The following MICAL3 variants were observed in gnomAD, a reference collection of about 807,000 sequenced individuals.
MICAL3 encodes the protein [F-actin]-monooxygenase MICAL3.
A neutral mutation model predicts 207.4 loss-of-function variants in MICAL3; 62 were observed. The observed-to-expected ratio is 0.30, with a 90% CI of 0.24 to 0.37. The LOEUF is 0.37. Ranked by LOEUF, MICAL3 falls within the 10% of genes least tolerant of loss-of-function variation. MICAL3 has a pLI of 1.00. For synonymous variants in MICAL3, 1,077 were observed against 1,069.3 expected, an observed-to-expected ratio of 1.01 and a Z score of -0.14; for missense variants, 2,368 against 2,635.6, an observed-to-expected ratio of 0.90 and a Z score of 2.22.
At chr22:17,917,015 C>T (rs1482656653) in intron 1 of MICAL3, among the ~76,000 whole-genome samples, 2 of 152,212 alleles carry the variant, frequency 1.3e-5, no homozygotes, top group Non-Finnish European at 2.9e-5. Context: ...ACAGCCCTTA[C>T]TACCGAGATA....
At chr22:17,965,272 G>C (rs1276795342) in intron 1 of MICAL3, among the ~76,000 whole-genome samples, 2 of 151,382 alleles carry the variant, frequency 1.3e-5, no homozygotes, top group Non-Finnish European at 2.9e-5. Flanking sequence ...AGAAAGCAAT[G>C]ACTTTTTACA....
chr22:17,978,664 A>G (rs951842130), intron 1 of MICAL3, among the ~76,000 whole-genome samples: 2 of 151,700 alleles, frequency 1.3e-5, no homozygotes, highest in African/African-American at 4.8e-5. Flanking sequence ...GATTACAGGC[A>G]GCTACCACCA....
chr22:17,879,327 C>T (rs180922771), intron 16 of MICAL3: 78 of 1,598,052 alleles, frequency 4.9e-5, no homozygotes, highest in Non-Finnish European at 3.1e-5. Context: ...TCCCATGCCA[C>T]GGGTTCATGC....
At chr22:17,960,023 T>C (rs1480226053) in intron 1 of MICAL3, among the ~76,000 whole-genome samples, 1 of 152,194 alleles carries the variant, frequency 6.6e-6, no homozygotes, top group African/African-American at 2.4e-5. Flanking sequence ...GTGGATAAAC[T>C]GATGAGCAAA....
chr22:17,929,725 G>C (rs893931582), intron 1 of MICAL3, among the ~76,000 whole-genome samples: 3 of 151,706 alleles, frequency 2.0e-5, no homozygotes, highest in African/African-American at 7.3e-5. Context: ...CCGCCACCAC[G>C]CCTGGCTAAT....
chr22:17,833,022 A>G (rs1023408461), intron 20 of MICAL3, among the ~76,000 whole-genome samples: 2 of 152,116 alleles, frequency 1.3e-5, no homozygotes, highest in African/African-American at 4.8e-5. Flanking sequence ...CACTCCCCTC[A>G]CAGCTGCAGG....
chr22:17,888,824 GAGAA>G (rs1287543600), intron 13 of MICAL3, among the ~76,000 whole-genome samples: 1 of 152,230 alleles, frequency 6.6e-6, no homozygotes. Context: ...TAAATGCAGT[GAGAA>G]AGAAAGGAGG....
At chr22:17,934,559 G>A (rs1413175292) in intron 1 of MICAL3, among the ~76,000 whole-genome samples, 1 of 152,190 alleles carries the variant, frequency 6.6e-6, no homozygotes, top group Non-Finnish European at 1.5e-5. Context: ...AGACAAGGAT[G>A]CCCTCTCTCA....
chr22:18,014,116 G>GACACACAC (rs35404796), intron 1 of MICAL3, among the ~76,000 whole-genome samples: 4,154 of 148,000 alleles, frequency 0.028, 199 homozygotes, highest in East Asian at 0.24. Flanking sequence ...CCCTCTCTTA[G>GACACACAC]ACACACACAC....
intron 16 of MICAL3, among the ~76,000 whole-genome samples, chr22:17,877,360 T>TGGAGGTTAGGGAGGTTAGGGAGGTTAG (rs1187576294): frequency 2.2e-4 from 2 of 9,290 alleles, no homozygotes; most frequent in Non-Finnish European, 3.5e-4. Flanking sequence ...AGGGAGGTTA[T>TGGAGGTTAGGGAGGTTAGGGAGGTTAG]GGAGGTTAGG....
At chr22:17,817,042 C>T (rs539324875) in intron 26 of MICAL3, among the ~76,000 whole-genome samples, 7 of 152,266 alleles carry the variant, frequency 4.6e-5, no homozygotes, top group African/African-American at 7.2e-5. Flanking sequence ...GCCCTGTGCA[C>T]GAGTGGGCCC....
chr22:17,814,275 C>T (rs2062079044), intron 27 of MICAL3: 1 of 152,210 alleles, frequency 6.6e-6, no homozygotes, highest in African/African-American at 2.4e-5. Context: ...CCTGTGTCTG[C>T]CAAAGGTTAC....
intron 1 of MICAL3, among the ~76,000 whole-genome samples, chr22:17,959,076 C>T (rs1394612254): frequency 1.5e-5 from 2 of 130,834 alleles, no homozygotes; most frequent in African/African-American, 2.9e-5. Flanking sequence ...AGTGCAGTGG[C>T]GCAATCTCGG....
chr22:17,975,855 A>C (rs5992138), intron 1 of MICAL3, among the ~76,000 whole-genome samples: 34,991 of 151,992 alleles, frequency 0.23, 4,219 homozygotes, highest in Middle Eastern at 0.29. Context: ...GTTTGAGGCC[A>C]GCCTGATCAA....
rs1930193496 is a variant in MICAL3, at chr22:17,889,226, A to C, written c.1699T>G (p.Phe567Val). 1 of 1,609,038 alleles carries C rather than the reference A, an allele frequency of 6.2e-7. No homozygotes were observed. The highest frequency in any genetic ancestry group is 1.3e-5 in the African/African-American group (1 of 74,854). ...ACATTTTGCTCATCCAAAGAATCAA[A>C]ATCTCTGAGAAACAGGACAAGGAAA... is the stretch of plus-strand genomic sequence containing the variant. ...IHRYRPDLID[F>V]DSLDEQNVEK... Residue 567 changes from phenylalanine (F) to valine (V), a missense_variant, in exon 13 of 32, where the codon TTT (phenylalanine) becomes GTT (valine). Around this residue, in one of 4 missense-constraint regions of MICAL3, gnomAD observed 51 missense variants for 87.8 expected, o/e 0.58. Coordinates refer to ENST00000441493, the MANE Select transcript of MICAL3 (RefSeq NM_015241.3).
rs545745143 is a variant in MICAL3, at chr22:17,796,422, C to T, written c.5651-5121G>A. Among the ~76,000 whole-genome samples the T allele has an allele frequency of 2.6e-5, 4 of 152,346 alleles. No individual in the cohort carries two copies. The highest frequency in any genetic ancestry group is 4.8e-5 in the African/African-American group (2 of 41,590). Reference sequence around the variant, plus strand: ...GCACTCTCCGGCTTCAGGGCGCCCTCGCATGCACCACCCACGTGATCCTCA... The same window carrying T: ...GCACTCTCCGGCTTCAGGGCGCCCTTGCATGCACCACCCACGTGATCCTCA... On this transcript the variant is annotated intron_variant, in intron 29 of 31. Transcript: ENST00000441493. This position sits in a 1 kb window ranked among gnomAD's most constrained non-coding sequence, Gnocchi z 4.4.
chr22:17,823,881 G>A (rs990350062), intron 22 of MICAL3, among the ~76,000 whole-genome samples: 1 of 152,198 alleles, frequency 6.6e-6, no homozygotes. Context: ...AGCCAGCTGA[G>A]GGGGTTGTCC....
intron 1 of MICAL3, among the ~76,000 whole-genome samples, chr22:17,915,672 C>T (rs1932449569): frequency 6.6e-6 from 1 of 152,144 alleles, no homozygotes; most frequent in African/African-American, 2.4e-5. Flanking sequence ...CAAGGCTCAG[C>T]ACCATCTGAA....
chr22:17,865,017 A>G (rs1481739668), intron 18 of MICAL3, 31 bp from the exon 19 acceptor site: 35 of 1,579,158 alleles, frequency 2.2e-5, no homozygotes, highest in Non-Finnish European at 3.0e-5. Context: ...AAGAAGAGTG[A>G]CTCTGACTGA....
Sources: gnomAD v4.1 joint callset for allele counts (sites outside exome capture counted in the v4.1 genomes callset) on GRCh38, gnomAD v4.1.1 for gene constraint, gnomAD v4.1.1 regional missense constraint, Gnocchi (gnomAD v3.1) non-coding constraint, MANE v1.5 for transcripts, NCBI Gene and HGNC (gene_info 2026-07-23, HGNC 2026-07-21) for gene names.